ALPK2: variants seen among roughly 807,000 people sequenced by gnomAD.
ALPK2 encodes alpha kinase 2.
ALPK2 carries 127 observed loss-of-function variants against 163.1 expected under a neutral mutation model. The ratio of observed to expected loss-of-function variants is 0.78; its 90% CI spans 0.67 to 0.90. ALPK2 has a LOEUF of 0.90. Ranked by LOEUF, ALPK2 falls within the 40% of genes least tolerant of loss-of-function variation. The pLI, the probability that ALPK2 is intolerant of heterozygous loss-of-function variation, is 0.00. For missense variants in ALPK2, 2,360 were observed against 2,589.6 expected (o/e 0.91, Z 1.92); for synonymous variants, 953 against 959.1 (o/e 0.99, Z 0.12).
chr18:58,550,499 A>G (rs1299266214), intron 4 of ALPK2, among the ~76,000 whole-genome samples: 16 of 150,054 alleles, frequency 1.1e-4, no homozygotes, highest in East Asian at 2.0e-4. Context: ...CCCCATCTAT[A>G]TCATATACAA....
intron 4 of ALPK2, among the ~76,000 whole-genome samples, chr18:58,572,424 T>C (rs1053021144): frequency 3.3e-5 from 5 of 152,220 alleles, no homozygotes; most frequent in African/African-American, 1.2e-4. Flanking sequence ...TGAAGACTTA[T>C]GTTCACATAA....
intron 6 of ALPK2, among the ~76,000 whole-genome samples, chr18:58,528,324 G>T (rs2051594348): frequency 6.6e-6 from 1 of 152,126 alleles, no homozygotes; most frequent in African/African-American, 2.4e-5. Context: ...TTGAGGCCAG[G>T]AGTTCAAGAC....
chr18:58,604,300 T>C (rs2052086813), intron 3 of ALPK2, among the ~76,000 whole-genome samples: 1 of 152,302 alleles, frequency 6.6e-6, no homozygotes, highest in East Asian at 1.9e-4. Flanking sequence ...GAGACTAATA[T>C]TATAACTAAC....
At chr18:58,573,174 A>G (rs2051894593) in intron 4 of ALPK2, among the ~76,000 whole-genome samples, 1 of 150,610 alleles carries the variant, frequency 6.6e-6, no homozygotes, top group African/African-American at 2.4e-5. Context: ...AAGGGAATGC[A>G]GCATTATATA....
intron 4 of ALPK2, among the ~76,000 whole-genome samples, chr18:58,561,955 C>A (rs2051827762): frequency 6.6e-6 from 1 of 152,186 alleles, no homozygotes; most frequent in Non-Finnish European, 1.5e-5. Flanking sequence ...ATGCTGGGGC[C>A]AATCCATGGG....
At chr18:58,524,170 C>T in intron 6 of ALPK2, 108 bp from the exon 7 acceptor site, 2 of 1,443,062 alleles carry the variant, frequency 1.4e-6, no homozygotes, top group Non-Finnish European at 1.9e-6. Context: ...CACATGTTTT[C>T]AGCCAGTGAG....
intron 2 of ALPK2, among the ~76,000 whole-genome samples, chr18:58,610,333 A>G (rs1477843852): frequency 2.0e-5 from 3 of 151,934 alleles, no homozygotes; most frequent in Non-Finnish European, 1.5e-5. Context: ...TCTGCCCTCA[A>G]GAAACACCAT....
intron 2 of ALPK2, among the ~76,000 whole-genome samples, chr18:58,611,171 G>A (rs2052128545): frequency 6.6e-6 from 1 of 151,526 alleles, no homozygotes; most frequent in Non-Finnish European, 1.5e-5. Flanking sequence ...CCAGCTACTC[G>A]GGAGGCTGAG....
intron 1 of ALPK2, among the ~76,000 whole-genome samples, chr18:58,612,883 C>T (rs572824967): frequency 6.6e-6 from 1 of 152,276 alleles, no homozygotes; most frequent in African/African-American, 2.4e-5. Flanking sequence ...TCCCACACCA[C>T]AGAGCTCGGA....
chr18:58,487,410 A>T (rs1602181376), intron 12 of ALPK2, among the ~76,000 whole-genome samples: 1 of 152,110 alleles, frequency 6.6e-6, no homozygotes, highest in Non-Finnish European at 1.5e-5. Context: ...GAAGGAGCCA[A>T]CCCTGCCAAC....
chr18:58,621,975 C>T lies in ALPK2; in HGVS notation c.-21+6789G>A, dbSNP rs1411318059. Among the ~76,000 whole-genome samples, 3 of 151,702 alleles carry T rather than the reference C, an allele frequency of 2.0e-5. No homozygotes were observed. In the East Asian group the frequency reaches 5.8e-4, roughly 29 times the overall value. ...AGTCTTTCCACTGACTCTCCTCTCC[C>T]CTGCTGTTTAAAATGTATGGCAGTT... On this transcript the variant is annotated intron_variant, in intron 1 of 12. Transcript: ENST00000361673.
rs768977912 is a variant in ALPK2 at position 58,537,776 on chromosome 18, A to G, written c.2411T>C (p.Met804Thr). 2 of 1,614,024 alleles carry G rather than the reference A, an allele frequency of 1.2e-6. No homozygotes were observed. The highest frequency in any genetic ancestry group is 1.7e-5 in the Admixed American group (1 of 60,008). Residue 804 changes from methionine to threonine, a missense_variant, in exon 5 of 13, where the codon ATG (methionine) becomes ACG (threonine). Physicochemically the swap from Met to Thr is moderately conservative, Grantham distance 81 (BLOSUM62 -1). Transcript: ENST00000361673. ...TTGGTCACCAGCCTCAAAACACTCCATTGCACACACTGCTTCTCTGTCCCT... is the reference window on the plus strand; with the variant it reads ...TTGGTCACCAGCCTCAAAACACTCCGTTGCACACACTGCTTCTCTGTCCCT... ...EPRDREAVCA[M>T]ECFEAGDQGT... is the part of the protein sequence containing the mutation.
At position 58,481,835 on chromosome 18, in the gene ALPK2, TTCGCCTGGGG is replaced by T; in HGVS notation, c.6491_6500del (p.Thr2164LysfsTer9). The stretch of plus-strand genomic sequence containing the variant: ...TTACCCAGGGACGTTAGGTTTTCTT[TTCGCCTGGGG>T]TCTCAGGCCCTGCCTTCTTTATTGT... On this transcript the variant is annotated frameshift_variant, in exon 13 of 13. Coordinates refer to ENST00000361673, the MANE Select transcript of ALPK2 (RefSeq NM_052947.4). LOFTEE classifies it high-confidence loss of function. 1 of 1,613,964 alleles carries T rather than the reference TTCGCCTGGGG, an allele frequency of 6.2e-7. No homozygotes were observed. The highest frequency in any genetic ancestry group is 1.1e-5 in the South Asian group (1 of 91,068).
chr18:58,501,610 A>G (rs2051431764), intron 11 of ALPK2, among the ~76,000 whole-genome samples: 1 of 152,216 alleles, frequency 6.6e-6, no homozygotes, highest in Non-Finnish European at 1.5e-5. Flanking sequence ...AATTTGCTAA[A>G]TTGTTATTTG....
chr18:58,495,094 G>A (rs2051394808), intron 12 of ALPK2, among the ~76,000 whole-genome samples: 1 of 152,112 alleles, frequency 6.6e-6, no homozygotes, highest in African/African-American at 2.4e-5. Context: ...GGTCGGGCTT[G>A]ATCACTGGTT....
At chr18:58,592,779 G>A (rs1046965264) in intron 3 of ALPK2, among the ~76,000 whole-genome samples, 9 of 152,202 alleles carry the variant, frequency 5.9e-5, no homozygotes, top group Non-Finnish European at 1.0e-4. Context: ...ACTTAGCAGC[G>A]AATGTGCCTG....
chr18:58,504,076 A>G lies in ALPK2; in HGVS notation c.6102T>C (p.Ile2034=). The change falls in exon 11 of 13, where the codon ATT becomes ATC. Residue 2034 remains isoleucine (I), a synonymous_variant. Transcript: ENST00000361673. ...IPYATVEEEL[I]GEFVKYSIRD... is the part of the protein sequence containing the mutation. ...TGATGGAATACTTCACAAATTCTCC[A>G]ATCAGCTCCTCCTCCACTGTAGCAT... The G allele has an allele frequency of 6.2e-7, 1 of 1,614,162 alleles. No individual in the cohort carries two copies.
chr18:58,490,124 T>TC (rs2051365941), intron 12 of ALPK2, among the ~76,000 whole-genome samples: 1 of 152,166 alleles, frequency 6.6e-6, no homozygotes, highest in Non-Finnish European at 1.5e-5. Flanking sequence ...ACCTAGGGTT[T>TC]CCCAAAATTA....
chr18:58,482,423 C>T (rs1196776951), intron 12 of ALPK2, among the ~76,000 whole-genome samples: 1 of 152,106 alleles, frequency 6.6e-6, no homozygotes, highest in Non-Finnish European at 1.5e-5. Context: ...CCGAGAAGTT[C>T]TCAATAAAGA....
Sources: allele counts gnomAD v4.1 joint callset (sites outside exome capture counted in the v4.1 genomes callset), GRCh38; gene constraint gnomAD v4.1.1; transcripts MANE v1.5; gene names NCBI Gene and HGNC (gene_info 2026-07-23, HGNC 2026-07-21).